The following CLSTN2 variants were observed in gnomAD, a reference collection of about 807,000 sequenced individuals.
CLSTN2 encodes the protein calsyntenin 2, also known as calsyntenin-2.
Under a neutral mutation model 101.2 loss-of-function variants are expected in CLSTN2, and 48 were observed. The observed-to-expected ratio is 0.47, with a 90% CI of 0.38 to 0.60. The LOEUF (loss-of-function observed/expected upper bound fraction) is 0.60, where lower values mean the gene tolerates loss of function less well. Among genes scored for constraint, CLSTN2 ranks in the 20% least tolerant of loss-of-function variants. The pLI is 0.00. For synonymous variants in CLSTN2, 481 were observed against 463.6 expected (o/e 1.04, Z -0.48); for missense variants, 1,160 against 1,238.2 (o/e 0.94, Z 0.95).
intron 2 of CLSTN2, among the ~76,000 whole-genome samples, chr3:140,239,621 A>G (rs891460935): frequency 6.6e-6 from 1 of 152,176 alleles, no homozygotes; most frequent in Non-Finnish European, 1.5e-5. Flanking sequence ...TCCACACAAT[A>G]TCATCCTCTG....
Position 140,546,603 on chromosome 3 carries a change from G to A in CLSTN2, c.1596G>A (p.Gln532=), listed in dbSNP as rs1356009511. 4 of 1,614,168 alleles carry A rather than the reference G, an allele frequency of 2.5e-6. No homozygotes were observed. The highest frequency in any genetic ancestry group is 3.4e-6 in the Non-Finnish European group (4 of 1,180,014). The change falls in exon 10 of 17, where the codon CAG becomes CAA. Residue 532 remains glutamine (Q), a synonymous_variant. Coordinates refer to ENST00000458420, the MANE Select transcript of CLSTN2 (RefSeq NM_022131.3). ...LTIRPGKMES[Q]KVISCLQACK... ...TCCGCCCTGGCAAAATGGAAAGCCA[G>A]AAGGTGATCTCCTGCCTGCAGGCCT... is the stretch of plus-strand genomic sequence containing the variant.
chr3:139,989,557 A>G (rs1936084619), intron 1 of CLSTN2, among the ~76,000 whole-genome samples: 1 of 152,134 alleles, frequency 6.6e-6, no homozygotes, highest in African/African-American at 2.4e-5. Context: ...ACTCCCCAGT[A>G]GTCTGCCTTC....
chr3:140,074,125 G>T (rs1342808720), intron 1 of CLSTN2, among the ~76,000 whole-genome samples: 1 of 152,124 alleles, frequency 6.6e-6, no homozygotes, highest in Non-Finnish European at 1.5e-5. Context: ...GCTATAGCTT[G>T]CTGTTTTGCT....
At chr3:140,412,481 T>C (rs2088376138) in intron 4 of CLSTN2, among the ~76,000 whole-genome samples, 1 of 152,182 alleles carries the variant, frequency 6.6e-6, no homozygotes, top group African/African-American at 2.4e-5. Context: ...CATAGGGAAC[T>C]GGTCACCAGG....
chr3:140,398,844 G>T (rs540758801), intron 2 of CLSTN2, among the ~76,000 whole-genome samples: 1 of 152,340 alleles, frequency 6.6e-6, no homozygotes, highest in East Asian at 1.9e-4. Context: ...AATCCTATGT[G>T]AGGTATTAGG....
At chr3:140,141,949 C>G (rs1486260526) in intron 1 of CLSTN2, among the ~76,000 whole-genome samples, 1 of 152,152 alleles carries the variant, frequency 6.6e-6, no homozygotes, top group African/African-American at 2.4e-5. Flanking sequence ...CCAAACTTGT[C>G]TCGTCCAATT....
At chr3:140,514,225 T>G (rs1444749472) in intron 8 of CLSTN2, among the ~76,000 whole-genome samples, 1 of 152,274 alleles carries the variant, frequency 6.6e-6, no homozygotes, top group Non-Finnish European at 1.5e-5. Context: ...TTTGTGATTT[T>G]GGTGCACACA....
At chr3:140,142,235 G>A (rs2009712786) in intron 1 of CLSTN2, among the ~76,000 whole-genome samples, 1 of 152,206 alleles carries the variant, frequency 6.6e-6, no homozygotes, top group Non-Finnish European at 1.5e-5. Context: ...GCTGAGGGCA[G>A]GGCTCGTGGT....
At chr3:140,404,342 C>A (rs2088279458) in intron 3 of CLSTN2, among the ~76,000 whole-genome samples, 1 of 152,226 alleles carries the variant, frequency 6.6e-6, no homozygotes, top group South Asian at 2.1e-4. Flanking sequence ...GCATAAAAGT[C>A]TCTCTGGGAT....
At chr3:139,940,974 C>T (rs1413919628) in intron 1 of CLSTN2, among the ~76,000 whole-genome samples, 1 of 152,076 alleles carries the variant, frequency 6.6e-6, no homozygotes, top group Admixed American at 6.6e-5. Flanking sequence ...ATCTCCTGCC[C>T]AGTTCATACT....
At chr3:140,400,675 G>C (rs1008536022) in intron 2 of CLSTN2, among the ~76,000 whole-genome samples, 3 of 152,048 alleles carry the variant, frequency 2.0e-5, no homozygotes, top group Non-Finnish European at 4.4e-5. Context: ...TTCCAGCCTG[G>C]GTGACAAACC....
intron 1 of CLSTN2, among the ~76,000 whole-genome samples, chr3:140,027,441 G>A (rs1455955032): frequency 3.9e-5 from 6 of 152,112 alleles, no homozygotes; most frequent in Non-Finnish European, 7.3e-5. Flanking sequence ...AAGCTAGAAG[G>A]GTCATCCCTT....
intron 2 of CLSTN2, among the ~76,000 whole-genome samples, chr3:140,389,608 CTT>C (rs1200454803): frequency 6.6e-6 from 1 of 152,130 alleles, no homozygotes; most frequent in Admixed American, 6.5e-5. Context: ...ATGCCTGTGT[CTT>C]TATAATAGAA....
chr3:139,949,150 C>G (rs1935255287), intron 1 of CLSTN2, among the ~76,000 whole-genome samples: 1 of 152,196 alleles, frequency 6.6e-6, no homozygotes, highest in Non-Finnish European at 1.5e-5. Context: ...TTATGTGGCT[C>G]CCATATAGAA....
chr3:140,446,962 C>T (rs780291382), intron 5 of CLSTN2, among the ~76,000 whole-genome samples: 2 of 152,186 alleles, frequency 1.3e-5, no homozygotes, highest in Admixed American at 1.3e-4. Flanking sequence ...CAGAGCCTGG[C>T]ACATAGAAAC....
chr3:140,133,913 TG>T (rs2009561198), intron 1 of CLSTN2, among the ~76,000 whole-genome samples: 2 of 152,108 alleles, frequency 1.3e-5, no homozygotes, highest in East Asian at 3.9e-4. Flanking sequence ...GTAGTTTCAA[TG>T]TTACTATTCT....
chr3:140,271,910 G>A (rs572532665), intron 2 of CLSTN2, among the ~76,000 whole-genome samples: 6 of 152,326 alleles, frequency 3.9e-5, no homozygotes, highest in African/African-American at 1.2e-4. Flanking sequence ...GGCTTAAGCC[G>A]ATGAACACTG....
intron 1 of CLSTN2, among the ~76,000 whole-genome samples, chr3:140,175,057 C>T (rs542355815): frequency 2.6e-5 from 4 of 152,284 alleles, no homozygotes; most frequent in African/African-American, 9.6e-5. Flanking sequence ...ATACATATTT[C>T]TGTGCCACAA....
At position 140,562,800 on chromosome 3, in the gene CLSTN2, T is replaced by C. The variant is rs1314849858; in HGVS notation, c.2213-11T>C. 1.2e-6 allele frequency: 2 copies of C among 1,613,364 alleles called. No individual in the cohort carries two copies. The highest frequency in any genetic ancestry group is 1.7e-6 in the Non-Finnish European group (2 of 1,179,880). On this transcript the variant is annotated splice_polypyrimidine_tract_variant and intron_variant, in intron 13 of 16. Coordinates refer to ENST00000458420, the MANE Select transcript of CLSTN2 (RefSeq NM_022131.3). Reference sequence around the variant, plus strand: ...CTGCCTTCTGATGACAGGTGTGGTCTCTTGGCACAGGTGTGGGCTCCATGA... The same window carrying C: ...CTGCCTTCTGATGACAGGTGTGGTCCCTTGGCACAGGTGTGGGCTCCATGA...
Sources: allele counts gnomAD v4.1 joint callset (sites outside exome capture counted in the v4.1 genomes callset), GRCh38; gene constraint gnomAD v4.1.1; transcripts MANE v1.5; gene names NCBI Gene and HGNC (gene_info 2026-07-23, HGNC 2026-07-21).